Variants in TRPC1 observed in about 807,000 individuals in gnomAD.
TRPC1 encodes transient receptor potential cation channel subfamily C member 1.
In TRPC1, 42 loss-of-function variants were observed where a neutral mutation model predicts 88.2. That is an observed-to-expected ratio of 0.48 (90% CI 0.37 to 0.62). TRPC1 has a LOEUF of 0.62. Among genes scored for constraint, TRPC1 ranks in the 20% least tolerant of loss-of-function variants. TRPC1 has a pLI of 0.00. For synonymous variants in TRPC1, 288 were observed against 331.8 expected (o/e 0.87, Z 1.43); for missense variants, 699 against 957.3 (o/e 0.73, Z 3.56).
chr3:142,735,159 T>C (rs372137478), intron 1 of TRPC1, among the ~76,000 whole-genome samples: 3 of 152,306 alleles, frequency 2.0e-5, no homozygotes, highest in East Asian at 1.9e-4. Context: ...AAATACATTG[T>C]CAAGAAAACT....
chr3:142,761,835 T>C (rs558073143), intron 4 of TRPC1, among the ~76,000 whole-genome samples: 2 of 152,276 alleles, frequency 1.3e-5, no homozygotes, highest in East Asian at 3.9e-4. Flanking sequence ...AACCATTTTT[T>C]CTAGGTTTTT....
At chr3:142,770,093 C>CTTTTTTTTTTTTT (rs779905124) in intron 4 of TRPC1, among the ~76,000 whole-genome samples, 1 of 95,262 alleles carries the variant, frequency 1.0e-5, no homozygotes, top group African/African-American at 4.8e-5. Flanking sequence ...TTGTATGTTC[C>CTTTTTTTTTTTTT]TTTTTTTTTT....
At chr3:142,729,368 C>A (rs1385730278) in intron 1 of TRPC1, among the ~76,000 whole-genome samples, 1 of 152,192 alleles carries the variant, frequency 6.6e-6, no homozygotes, top group African/African-American at 2.4e-5. Flanking sequence ...ACATCCCTAT[C>A]CTTTAGGAGA....
intron 4 of TRPC1, among the ~76,000 whole-genome samples, chr3:142,755,977 T>C (rs1028346296): frequency 6.6e-6 from 1 of 152,226 alleles, no homozygotes; most frequent in Non-Finnish European, 1.5e-5. Flanking sequence ...TTTTCTTTAC[T>C]AGAAATTTCA....
rs1411514651 is a variant in TRPC1 at position 142,780,700 on chromosome 3, C to G, written c.765-134C>G. On this transcript the variant is annotated intron_variant, in intron 5 of 12. Transcript: ENST00000476941. ...GCATCACTAGTTTCCTTTGATTATCCACAGAAAATGACTTCAGATTTTGTG... is the reference window on the plus strand; with the variant it reads ...GCATCACTAGTTTCCTTTGATTATCGACAGAAAATGACTTCAGATTTTGTG... The G allele has an allele frequency of 5.5e-6, 5 of 916,782 alleles. No homozygotes were observed. In the African/African-American group the frequency reaches 8.5e-5, roughly 16 times the overall value. The allele number at this position is 916,782 out of a possible 1,614,324, so 56.8% of individuals were successfully genotyped here.
intron 3 of TRPC1, among the ~76,000 whole-genome samples, chr3:142,744,064 A>G (rs1259580024): frequency 6.6e-6 from 1 of 152,144 alleles, no homozygotes. Context: ...TAGAAAGCAG[A>G]TGAATAACTG....
rs1936805992 is a variant in TRPC1 at position 142,806,726 on chromosome 3, CTA to C, written c.*493_*494del. 6.6e-6 allele frequency: 1 copy of C among 151,862 alleles called. No homozygotes were observed. The highest frequency in any genetic ancestry group is 1.5e-5 in the Non-Finnish European group (1 of 67,940). The allele number at this position is 151,862 out of a possible 1,614,324, so 9.4% of individuals were successfully genotyped here. ...ATTTTATTTTATCTAAAATAATAGT[CTA>C]TTTTTTCTTTTGTATTTTGTTATAA... On this transcript the variant is annotated 3_prime_UTR_variant, in exon 13 of 13. Coordinates refer to ENST00000476941, the MANE Select transcript of TRPC1 (RefSeq NM_001251845.2).
chr3:142,800,501 G>A (rs1936586470), intron 9 of TRPC1, among the ~76,000 whole-genome samples: 1 of 152,136 alleles, frequency 6.6e-6, no homozygotes, highest in Non-Finnish European at 1.5e-5. Context: ...AAAGCGGGAT[G>A]TGCTATGCTG....
chr3:142,791,112 CTCTT>C lies in TRPC1; in HGVS notation c.1393_1396del (p.Leu465IlefsTer43). The C allele has an allele frequency of 6.2e-7, 1 of 1,609,544 alleles. No homozygotes were observed. The highest frequency in any genetic ancestry group is 1.7e-4 in the Middle Eastern group (1 of 6,040). The stretch of plus-strand genomic sequence containing the variant: ...AATCAACTCAGTTTTGTCATGAATT[CTCTT>C]TATTTGGCAACCTTTGCCCTCAAAG... On this transcript the variant is annotated frameshift_variant, in exon 8 of 13. Transcript: ENST00000476941. LOFTEE classifies it high-confidence loss of function.
chr3:142,724,474 C>A lies in TRPC1; in HGVS notation c.-86C>A. ...GGAACGACTCATCCTTTTTCCAGCC[C>A]TGGGGCGTGGCTGGGGTCGGGGTCG... On this transcript the variant is annotated 5_prime_UTR_variant, in exon 1 of 13. It adds an upstream start codon to the 5' untranslated region. Coordinates refer to ENST00000476941, the MANE Select transcript of TRPC1 (RefSeq NM_001251845.2). The surrounding 1 kb of genome is among the most constrained non-coding windows in gnomAD (Gnocchi z 5.6). The A allele has an allele frequency of 7.4e-7, 1 of 1,345,480 alleles. No individual in the cohort carries two copies. The highest frequency in any genetic ancestry group is 9.8e-7 in the Non-Finnish European group (1 of 1,020,770). The allele number at this position is 1,345,480 out of a possible 1,614,324, so 83.3% of individuals were successfully genotyped here.
At chr3:142,745,330 A>T (rs941627166) in intron 3 of TRPC1, among the ~76,000 whole-genome samples, 1 of 152,138 alleles carries the variant, frequency 6.6e-6, no homozygotes, top group African/African-American at 2.4e-5. Flanking sequence ...GACTGGTTTT[A>T]TTCATCACCA....
intron 4 of TRPC1, among the ~76,000 whole-genome samples, chr3:142,758,685 T>C (rs745742258): frequency 2.6e-5 from 4 of 152,166 alleles, no homozygotes; most frequent in Non-Finnish European, 4.4e-5. Context: ...TTTTTCTTTT[T>C]TTTCAATTAT....
intron 5 of TRPC1, among the ~76,000 whole-genome samples, chr3:142,778,529 G>A (rs568530183): frequency 5.9e-5 from 9 of 152,264 alleles, no homozygotes; most frequent in African/African-American, 1.7e-4. Context: ...GAGAGAAAGC[G>A]TTGAGATTTT....
intron 1 of TRPC1, among the ~76,000 whole-genome samples, chr3:142,725,412 C>T (rs1241144137): frequency 6.6e-6 from 1 of 152,094 alleles, no homozygotes; most frequent in African/African-American, 2.4e-5. Context: ...ATTTATTGCT[C>T]CCAGATCTTT....
chr3:142,799,801 T>C (rs1936561978), intron 9 of TRPC1, among the ~76,000 whole-genome samples: 1 of 152,084 alleles, frequency 6.6e-6, no homozygotes, highest in Non-Finnish European at 1.5e-5. Flanking sequence ...CTCTGTCTCT[T>C]AAAAATTTCT....
chr3:142,750,189 T>C (rs1934703593), intron 4 of TRPC1, among the ~76,000 whole-genome samples: 1 of 152,164 alleles, frequency 6.6e-6, no homozygotes, highest in African/African-American at 2.4e-5. Flanking sequence ...AAAGGGCTAA[T>C]ATCCAGAATC....
intron 2 of TRPC1, among the ~76,000 whole-genome samples, chr3:142,743,147 G>C (rs1214090273): frequency 6.6e-6 from 1 of 151,462 alleles, no homozygotes. Context: ...AGATTCTTTT[G>C]GTCCACAGTT....
chr3:142,791,221 T>G (rs770990938), intron 8 of TRPC1, 63 bp downstream of exon 8: 57 of 1,415,348 alleles, frequency 4.0e-5, no homozygotes, highest in Non-Finnish European at 5.1e-5. Context: ...AGCTAAGATA[T>G]TTAGCTATGT....
rs949617932 is a variant in TRPC1 at position 142,724,304 on chromosome 3, G to T, written c.-256G>T. 8.2e-6 allele frequency: 2 copies of T among 244,140 alleles called. No individual in the cohort carries two copies. Among genetic ancestry groups the T allele is most frequent in the Non-Finnish European group, 1.6e-5 (2 of 128,132 alleles). 15.1% of individuals were successfully genotyped at this position (244,140 alleles called of 1,614,324 possible). A position where few individuals can be genotyped will look rare whatever the true frequency, so the allele number is the denominator to read the frequency against. ...ACGGGCGCGGACCGGCTCGGCCGGG[G>T]CGCCGGCGGCTGGGGAGGGGTCGCT... On this transcript the variant is annotated 5_prime_UTR_variant, in exon 1 of 13. Transcript: ENST00000476941. This position sits in a 1 kb window ranked among gnomAD's most constrained non-coding sequence, Gnocchi z 5.6.
Sources: gnomAD v4.1 joint callset for allele counts (sites outside exome capture counted in the v4.1 genomes callset) on GRCh38, gnomAD v4.1.1 for gene constraint, Gnocchi (gnomAD v3.1) non-coding constraint, MANE v1.5 for transcripts, NCBI Gene and HGNC (gene_info 2026-07-23, HGNC 2026-07-21) for gene names.